ZNRF3: variants seen among roughly 807,000 people sequenced by gnomAD.
ZNRF3 encodes the protein E3 ubiquitin-protein ligase ZNRF3.
ZNRF3 carries 23 observed loss-of-function variants against 72.5 expected under a neutral mutation model. That is an observed-to-expected ratio of 0.32 (90% CI 0.23 to 0.45). The LOEUF (loss-of-function observed/expected upper bound fraction) is 0.45, where lower values mean the gene tolerates loss of function less well. Ranked by LOEUF, ZNRF3 falls within the 20% of genes least tolerant of loss-of-function variation. The pLI, the probability that ZNRF3 is intolerant of heterozygous loss-of-function variation, is 1.00. For missense variants in ZNRF3, 1,169 were observed against 1,272.1 expected (o/e 0.92, Z 1.23); for synonymous variants, 610 against 545.3 (o/e 1.12, Z -1.65).
intron 2 of ZNRF3, among the ~76,000 whole-genome samples, chr22:28,994,185 T>TTTTTTTTTTTTTTTTTC (rs2036008409): frequency 1.0e-5 from 1 of 98,810 alleles, no homozygotes; most frequent in African/African-American, 4.2e-5. Context: ...TCTTTTTTTT[T>TTTTTTTTTTTTTTTTTC]TTTTTTTTTT....
intron 1 of ZNRF3, among the ~76,000 whole-genome samples, chr22:28,933,762 T>A (rs1344211015): frequency 1.0e-5 from 1 of 98,554 alleles, no homozygotes; most frequent in Non-Finnish European, 1.9e-5. Flanking sequence ...ACTCTCTCTC[T>A]CTCTCTCTCT....
In ZNRF3 at chr22:28,980,864, C is replaced by T. The variant is rs559238221; in HGVS notation, c.301-6212C>T. On this transcript the variant is annotated intron_variant, in intron 1 of 8. Coordinates refer to ENST00000544604, the MANE Select transcript of ZNRF3 (RefSeq NM_001206998.2). ...CATGTCTATTTGATTTTTTTCTTTA[C>T]GTTTTCATTAGTAGTTCTTGAGTTC... Among the ~76,000 whole-genome samples the T allele has an allele frequency of 5.3e-5, 8 of 152,104 alleles. No individual in the cohort carries two copies. The East Asian group carries it at 1.4e-3, about 26-fold the overall frequency.
In ZNRF3 at chr22:28,964,724, A is replaced by G. The variant is rs534367441; in HGVS notation, c.301-22352A>G. On this transcript the variant is annotated intron_variant, in intron 1 of 8. Transcript: ENST00000544604. ...CAGCCCCCTCAGAATAGAGCTGCAG[A>G]AGGTAAAGCTGCTTAGCTACAGTCT... Among the ~76,000 whole-genome samples the G allele has an allele frequency of 3.3e-5, 5 of 152,358 alleles. No individual in the cohort carries two copies. The East Asian group carries it at 9.6e-4, about 29-fold the overall frequency.
In ZNRF3 at chr22:28,886,257, C is replaced by T. The variant is rs145539637; in HGVS notation, c.300+2191C>T. On this transcript the variant is annotated intron_variant, in intron 1 of 8. Transcript: ENST00000544604. Reference sequence around the variant, plus strand: ...TTGAAGGAATTGGTGTGGACCTTGTCTGGCAGCCCTGAAAAAGTTTTTTGT... The same window carrying T: ...TTGAAGGAATTGGTGTGGACCTTGTTTGGCAGCCCTGAAAAAGTTTTTTGT... 2.8e-3 allele frequency among the ~76,000 whole-genome samples: 433 copies of T among 152,324 alleles called. 5 individuals carry two copies. The highest frequency in any genetic ancestry group is 9.6e-3 in the African/African-American group (401 of 41,592).
chr22:29,053,483 T>C (rs2037243969), intron 8 of ZNRF3, 96 bp from the exon 9 acceptor site: 1 of 1,197,814 alleles, frequency 8.3e-7, no homozygotes, highest in Non-Finnish European at 1.2e-6. Context: ...TACACAGGCC[T>C]GCCACATGCT....
At chr22:28,911,638 G>T (rs1388143160) in intron 1 of ZNRF3, among the ~76,000 whole-genome samples, 1 of 152,208 alleles carries the variant, frequency 6.6e-6, no homozygotes, top group Non-Finnish European at 1.5e-5. Context: ...CACCTTGGAA[G>T]AAAATTGCTG....
intron 1 of ZNRF3, among the ~76,000 whole-genome samples, chr22:28,927,888 G>T (rs2034632818): frequency 6.6e-6 from 1 of 152,220 alleles, no homozygotes; most frequent in Admixed American, 6.5e-5. Context: ...GGGCTCCTAT[G>T]GCTTCCAGGA....
chr22:29,008,656 G>C (rs907134634), intron 2 of ZNRF3, among the ~76,000 whole-genome samples: 9 of 152,214 alleles, frequency 5.9e-5, no homozygotes, highest in Admixed American at 2.0e-4. Flanking sequence ...ACAGCTGTGT[G>C]TGTGGAAAGT....
chr22:29,044,254 G>C (rs760430079), intron 4 of ZNRF3, among the ~76,000 whole-genome samples: 2 of 152,140 alleles, frequency 1.3e-5, no homozygotes, highest in African/African-American at 4.8e-5. Flanking sequence ...AAACTAGAGG[G>C]AGTTTGCTGA....
intron 5 of ZNRF3, 90 bp from the exon 6 acceptor site, chr22:29,046,626 C>T (rs1490167572): frequency 1.0e-5 from 14 of 1,341,048 alleles, no homozygotes; most frequent in African/African-American, 3.0e-5. Flanking sequence ...AATTGTCTGC[C>T]TGTCCCAGTG....
At chr22:29,046,061 T>C (rs1272437274) in intron 5 of ZNRF3, among the ~76,000 whole-genome samples, 1 of 152,172 alleles carries the variant, frequency 6.6e-6, no homozygotes, top group Non-Finnish European at 1.5e-5. Context: ...CTCTGGGTGA[T>C]GCTTGATTAA....
chr22:28,943,971 A>G (rs1339851037), intron 1 of ZNRF3, among the ~76,000 whole-genome samples: 1 of 152,084 alleles, frequency 6.6e-6, no homozygotes, highest in Non-Finnish European at 1.5e-5. Flanking sequence ...AATTAGGGAC[A>G]AGGACATTGT....
chr22:29,004,510 G>A (rs1278383603), intron 2 of ZNRF3, among the ~76,000 whole-genome samples: 5 of 152,170 alleles, frequency 3.3e-5, no homozygotes, highest in African/African-American at 9.7e-5. Context: ...AAGTGTACCC[G>A]AAGCACGCCA....
At chr22:28,900,851 TA>T (rs2123752324) in intron 1 of ZNRF3, among the ~76,000 whole-genome samples, 1 of 152,248 alleles carries the variant, frequency 6.6e-6, no homozygotes, top group South Asian at 2.1e-4. Context: ...CTTACACCTA[TA>T]ATACCAGCTT....
At chr22:28,963,858 A>G (rs1316866427) in intron 1 of ZNRF3, among the ~76,000 whole-genome samples, 1 of 151,968 alleles carries the variant, frequency 6.6e-6, no homozygotes, top group Non-Finnish European at 1.5e-5. Flanking sequence ...CATTAAAGCC[A>G]CTCCCTAAAC....
chr22:28,944,747 T>G (rs1263885569), intron 1 of ZNRF3, among the ~76,000 whole-genome samples: 2 of 103,904 alleles, frequency 1.9e-5, no homozygotes, highest in African/African-American at 3.6e-5. Context: ...AAAGCGAGAC[T>G]CCATCTCAAA....
intron 1 of ZNRF3, among the ~76,000 whole-genome samples, chr22:28,941,428 T>G (rs2034945737): frequency 6.6e-6 from 1 of 152,236 alleles, no homozygotes; most frequent in Non-Finnish European, 1.5e-5. Context: ...ACCAAACTGA[T>G]AAAATAAGAT....
intron 1 of ZNRF3, among the ~76,000 whole-genome samples, chr22:28,967,402 A>G (rs532854572): frequency 1.2e-4 from 18 of 152,330 alleles, no homozygotes; most frequent in African/African-American, 3.8e-4. Context: ...CACAGTGACA[A>G]AATCGCCTAA....
chr22:29,047,103 C>G (rs1482106905), intron 6 of ZNRF3, among the ~76,000 whole-genome samples: 1 of 152,094 alleles, frequency 6.6e-6, no homozygotes, highest in African/African-American at 2.4e-5. Flanking sequence ...TCTTGTAGCT[C>G]TTTGAAAATT....
Sources: allele counts gnomAD v4.1 joint callset (sites outside exome capture counted in the v4.1 genomes callset), GRCh38; gene constraint gnomAD v4.1.1; transcripts MANE v1.5; gene names NCBI Gene and HGNC (gene_info 2026-07-23, HGNC 2026-07-21).